Variants in ARMC3 observed in about 807,000 individuals in gnomAD.
The protein encoded by ARMC3 is armadillo repeat-containing protein 3.
In ARMC3, 74 loss-of-function variants were observed where a neutral mutation model predicts 90.3. The observed-to-expected ratio is 0.82, with a 90% CI of 0.68 to 0.99. The LOEUF (loss-of-function observed/expected upper bound fraction) is 0.99, where lower values mean the gene tolerates loss of function less well. Ranked by LOEUF, ARMC3 falls within the 50% of genes least tolerant of loss-of-function variation. The probability of loss-of-function intolerance (pLI) is 0.00; values close to 1 mark genes in which losing one functional copy is unlikely to be tolerated. For synonymous variants in ARMC3, 334 were observed against 361.8 expected, an observed-to-expected ratio of 0.92 and a Z score of 0.87; for missense variants, 958 against 1,042.8, an observed-to-expected ratio of 0.92 and a Z score of 1.12.
intron 16 of ARMC3, among the ~76,000 whole-genome samples, chr10:23,013,236 C>G (rs1838103920): frequency 6.6e-6 from 1 of 152,096 alleles, no homozygotes; most frequent in Non-Finnish European, 1.5e-5. Flanking sequence ...GATCATATGA[C>G]TCTGCCTAAA....
At chr10:22,951,336 T>A (rs953289395) in intron 3 of ARMC3, among the ~76,000 whole-genome samples, 1 of 152,190 alleles carries the variant, frequency 6.6e-6, no homozygotes, top group African/African-American at 2.4e-5. Context: ...AGCTGGAGAT[T>A]TAAATACTCC....
rs576810456 is a variant in ARMC3, at chr10:22,998,730, C to T, written c.1425+333C>T. Among the ~76,000 whole-genome samples, 4 of 152,244 alleles carry T rather than the reference C, an allele frequency of 2.6e-5. No individual in the cohort carries two copies. In the South Asian group the frequency reaches 8.3e-4, roughly 32 times the overall value. On this transcript the variant is annotated intron_variant, in intron 11 of 18. Transcript: ENST00000298032. Reference sequence around the variant, plus strand: ...ATTGTTAAGAAAATAGATAATGCATCGTGCTGTAGCCATAAAATAGAATCT... The same window carrying T: ...ATTGTTAAGAAAATAGATAATGCATTGTGCTGTAGCCATAAAATAGAATCT...
intron 8 of ARMC3, among the ~76,000 whole-genome samples, chr10:22,968,849 C>T (rs1416380636): frequency 6.6e-6 from 1 of 152,110 alleles, no homozygotes; most frequent in African/African-American, 2.4e-5. Flanking sequence ...TTGATTAGTA[C>T]TAATCAACAC....
At chr10:23,021,622 T>C (rs761028607) in intron 16 of ARMC3, among the ~76,000 whole-genome samples, 5 of 152,260 alleles carry the variant, frequency 3.3e-5, no homozygotes, top group Non-Finnish European at 5.9e-5. Flanking sequence ...ATGTCTTCTT[T>C]TAAGAAGTGT....
intron 17 of ARMC3, among the ~76,000 whole-genome samples, chr10:23,032,052 G>A (rs1380437586): frequency 2.0e-5 from 3 of 152,144 alleles, no homozygotes; most frequent in Admixed American, 2.0e-4. Flanking sequence ...AGGAGTTTGA[G>A]ACCAGCCTGG....
chr10:22,956,952 T>C (rs1023876065), intron 4 of ARMC3, among the ~76,000 whole-genome samples: 2 of 151,940 alleles, frequency 1.3e-5, no homozygotes, highest in African/African-American at 4.8e-5. Flanking sequence ...ACAGGATATA[T>C]TTTCCTTGTC....
intron 18 of ARMC3, among the ~76,000 whole-genome samples, chr10:23,034,045 C>T (rs911895119): frequency 3.3e-5 from 5 of 152,168 alleles, no homozygotes; most frequent in Non-Finnish European, 5.9e-5. Context: ...CACTTATAAA[C>T]ATCATTGCAT....
chr10:22,982,608 G>C (rs1243545061), intron 10 of ARMC3, among the ~76,000 whole-genome samples: 1 of 152,200 alleles, frequency 6.6e-6, no homozygotes, highest in Non-Finnish European at 1.5e-5. Flanking sequence ...AATCGATGCA[G>C]GTCTGTCAGA....
chr10:23,007,263 A>G (rs1023677279), intron 14 of ARMC3, among the ~76,000 whole-genome samples: 7 of 152,194 alleles, frequency 4.6e-5, no homozygotes, highest in Non-Finnish European at 1.0e-4. Flanking sequence ...CCATGGAGTC[A>G]TTGAAGAAAG....
chr10:22,988,278 AC>A (rs1836548250), intron 10 of ARMC3, among the ~76,000 whole-genome samples: 1 of 152,222 alleles, frequency 6.6e-6, no homozygotes, highest in Non-Finnish European at 1.5e-5. Context: ...ACAGAACTTC[AC>A]ACAGTGTTTC....
At chr10:22,931,872 G>A (rs527676845) in intron 1 of ARMC3, 124 bp from the exon 2 acceptor site, 1 of 719,014 alleles carries the variant, frequency 1.4e-6, no homozygotes, top group East Asian at 2.7e-5. Flanking sequence ...ATTTTTACAT[G>A]TATTGCATTG....
intron 3 of ARMC3, among the ~76,000 whole-genome samples, chr10:22,954,280 A>G (rs1471346558): frequency 1.3e-5 from 2 of 152,188 alleles, no homozygotes; most frequent in Non-Finnish European, 2.9e-5. Context: ...TATCAGACAT[A>G]TATTTGCAGA....
Position 22,940,528 on chromosome 10 carries a change from C to T in ARMC3, c.49-5616C>T, listed in dbSNP as rs527611359. On this transcript the variant is annotated intron_variant, in intron 2 of 18. Coordinates refer to ENST00000298032, the MANE Select transcript of ARMC3 (RefSeq NM_173081.5). ...TTGAGACAGGGTCTCACTCTTTTGC[C>T]CAGGCTGGAATGCAGTGGTATGACT... is the stretch of plus-strand genomic sequence containing the variant. 3.3e-5 allele frequency among the ~76,000 whole-genome samples: 5 copies of T among 152,184 alleles called. No homozygotes were observed. In the East Asian group the frequency reaches 9.7e-4, roughly 29 times the overall value.
intron 11 of ARMC3, among the ~76,000 whole-genome samples, chr10:23,001,455 A>G (rs1399516859): frequency 1.3e-5 from 2 of 152,012 alleles, no homozygotes; most frequent in Admixed American, 6.5e-5. Context: ...GATCCTTGTG[A>G]TTACACTGAA....
chr10:22,998,459 T>C (rs1036261293), intron 11 of ARMC3, 62 bp downstream of exon 11: 9 of 1,575,318 alleles, frequency 5.7e-6, no homozygotes, highest in Non-Finnish European at 7.8e-6. Context: ...GGTGGATTCA[T>C]TGGAAACATT....
At chr10:22,961,008 A>G (rs1291619130) in intron 6 of ARMC3, 2 of 152,256 alleles carry the variant, frequency 1.3e-5, no homozygotes, top group African/African-American at 2.4e-5. Context: ...AACTAACTGC[A>G]TCTGCAATGA....
chr10:22,996,179 A>C, intron 10 of ARMC3, among the ~76,000 whole-genome samples: 1 of 152,192 alleles, frequency 6.6e-6, no homozygotes, highest in East Asian at 1.9e-4. Context: ...CAGTTGTAAA[A>C]GGTATTCAGT....
rs762886786 is a variant in ARMC3 at position 23,002,055 on chromosome 10, G to C, written c.1562G>C (p.Gly521Ala). 7 of 1,613,186 alleles carry C rather than the reference G, an allele frequency of 4.3e-6. No homozygotes were observed. Among genetic ancestry groups the C allele is most frequent in the Non-Finnish European group, 3.4e-6 (4 of 1,179,600 alleles). The change falls in exon 12 of 19, where the codon GGG becomes GCG. Residue 521 changes from glycine (G) to alanine (A), a missense_variant and splice_region_variant. Transcript: ENST00000298032. The stretch of plus-strand genomic sequence containing the variant: ...ACGGCCAATGAATTATGCAGGCTCG[G>C]GTGAGTGGATGCCATCTCAAGTTTC... The part of the protein sequence containing the change: ...ELTANELCRL[G>A]ALDILEEVNV...
At chr10:23,029,101 C>A (rs1423793033) in intron 16 of ARMC3, among the ~76,000 whole-genome samples, 2 of 152,070 alleles carry the variant, frequency 1.3e-5, no homozygotes, top group Non-Finnish European at 2.9e-5. Context: ...TCACAGGATT[C>A]CTTATGGGCT....
Sources: gnomAD v4.1 joint callset for allele counts (sites outside exome capture counted in the v4.1 genomes callset) on GRCh38, gnomAD v4.1.1 for gene constraint, MANE v1.5 for transcripts, NCBI Gene and HGNC (gene_info 2026-07-23, HGNC 2026-07-21) for gene names.